Variants in ADGRL2 observed in about 807,000 individuals in gnomAD.
The protein encoded by ADGRL2 is calcium-independent alpha-latrotoxin receptor 2.
Under a neutral mutation model 157.4 loss-of-function variants are expected in ADGRL2, and 44 were observed. The ratio of observed to expected loss-of-function variants is 0.28; its 90% CI spans 0.22 to 0.36. The LOEUF (loss-of-function observed/expected upper bound fraction) is 0.36, where lower values mean the gene tolerates loss of function less well. Ranked by LOEUF, ADGRL2 falls within the 10% of genes least tolerant of loss-of-function variation. ADGRL2 has a pLI of 1.00. For synonymous variants in ADGRL2, 585 were observed against 624.7 expected (o/e 0.94, Z 0.95); for missense variants, 1,510 against 1,768.9 (o/e 0.85, Z 2.63).
At position 81,427,360 on chromosome 1, in the gene ADGRL2, A is replaced by G; in HGVS notation, c.-301-17676A>G. ...GTAGAGGGGGCTATGGTGGTGGCGGACCAGGATATGGAAACCAAGGTGGTA... is the reference window on the plus strand; with the variant it reads ...GTAGAGGGGGCTATGGTGGTGGCGGGCCAGGATATGGAAACCAAGGTGGTA... On this transcript the variant is annotated intron_variant, in intron 1 of 24. Transcript: ENST00000370721. 4.1e-6 allele frequency: 3 copies of G among 732,158 alleles called. No individual in the cohort carries two copies. In the Admixed American group the frequency reaches 5.2e-5, roughly 13 times the overall value. The allele number at this position is 732,158 out of a possible 1,614,324, so 45.4% of individuals were successfully genotyped here. A position where few individuals can be genotyped will look rare whatever the true frequency, so the allele number is the denominator to read the frequency against.
intron 3 of ADGRL2, among the ~76,000 whole-genome samples, chr1:81,932,663 A>T (rs558225635): frequency 3.6e-4 from 55 of 152,202 alleles, no homozygotes; most frequent in African/African-American, 1.3e-3. Context: ...TGAACCTGCC[A>T]ATTTTTGGTG....
At chr1:81,745,569 A>G (rs1031741102) in intron 1 of ADGRL2, among the ~76,000 whole-genome samples, 6 of 152,160 alleles carry the variant, frequency 3.9e-5, no homozygotes, top group Non-Finnish European at 7.3e-5. Context: ...CTGTTAGTAC[A>G]CTCAGTGTTA....
At chr1:81,556,951 T>C (rs1570489068) in intron 2 of ADGRL2, among the ~76,000 whole-genome samples, 1 of 150,084 alleles carries the variant, frequency 6.7e-6, no homozygotes, top group Admixed American at 6.7e-5. Context: ...TGGTGTCGTA[T>C]GCCTGTAATC....
At chr1:81,486,899 G>T (rs2078515383) in intron 2 of ADGRL2, among the ~76,000 whole-genome samples, 1 of 152,054 alleles carries the variant, frequency 6.6e-6, no homozygotes, top group African/African-American at 2.4e-5. Flanking sequence ...AATGTAGCAG[G>T]AAGTGATGAG....
intron 3 of ADGRL2, among the ~76,000 whole-genome samples, chr1:81,918,401 T>TAA (rs1220972249): frequency 3.3e-5 from 5 of 152,080 alleles, no homozygotes; most frequent in Non-Finnish European, 5.9e-5. Flanking sequence ...TATATATATA[T>TAA]AACATTAAGG....
intron 1 of ADGRL2, among the ~76,000 whole-genome samples, chr1:81,377,010 A>C (rs1485489469): frequency 6.6e-6 from 1 of 152,092 alleles, no homozygotes; most frequent in Non-Finnish European, 1.5e-5. Context: ...CCAAAAAGCG[A>C]GACACCATCT....
chr1:81,989,800 A>G, intron 23 of ADGRL2: 1 of 1,519,452 alleles, frequency 6.6e-7, no homozygotes, highest in Non-Finnish European at 8.8e-7. Context: ...GTCTTTGTTT[A>G]ACATGACTTC....
intron 1 of ADGRL2, among the ~76,000 whole-genome samples, chr1:81,340,870 T>C (rs551836433): frequency 2.0e-5 from 3 of 150,666 alleles, no homozygotes; most frequent in Admixed American, 2.0e-4. Context: ...CATTCTCTCA[T>C]GGAAAGTTGT....
At chr1:81,589,965 C>T (rs2081099614) in intron 3 of ADGRL2, among the ~76,000 whole-genome samples, 1 of 152,170 alleles carries the variant, frequency 6.6e-6, no homozygotes, top group East Asian at 1.9e-4. Flanking sequence ...TATTTCCTGA[C>T]ACTTACATGA....
rs757054945 is a variant in ADGRL2, at chr1:81,990,661, A to G, written c.3926A>G (p.Asp1309Gly). 5.0e-6 allele frequency: 8 copies of G among 1,614,204 alleles called. No individual in the cohort carries two copies. In the Admixed American group the frequency reaches 1.3e-4, roughly 27 times the overall value. Residue 1309 changes from aspartate to glycine, a missense_variant, in exon 24 of 24, where the codon GAT (aspartate) becomes GGT (glycine). Asp to Gly is a moderately conservative substitution (Grantham distance 94, BLOSUM62 -1). Coordinates refer to ENST00000686636, the MANE Select transcript of ADGRL2 (RefSeq NM_001366006.2). ...PVIGGSSSED[D>G]AIVADASSLM... ...ATTGGAGGTAGCAGCAGTGAAGATG[A>G]TGCTATTGTGGCAGATGCTTCATCT...
At chr1:81,738,095 A>G (rs2084960420) in intron 1 of ADGRL2, among the ~76,000 whole-genome samples, 1 of 152,224 alleles carries the variant, frequency 6.6e-6, no homozygotes, top group Non-Finnish European at 1.5e-5. Context: ...AACACACTCT[A>G]TGTATCCTGC....
intron 1 of ADGRL2, among the ~76,000 whole-genome samples, chr1:81,369,706 A>G (rs905618789): frequency 3.4e-5 from 5 of 147,176 alleles, no homozygotes; most frequent in African/African-American, 1.1e-4. Context: ...ATGAACATGA[A>G]AAAAAAAATC....
intron 1 of ADGRL2, among the ~76,000 whole-genome samples, chr1:81,727,569 A>T (rs1317869984): frequency 1.3e-5 from 2 of 151,982 alleles, no homozygotes; most frequent in Non-Finnish European, 2.9e-5. Context: ...AGTAGCTGGG[A>T]TTACAGGCAC....
rs940821813 is a variant in ADGRL2, at chr1:81,555,724, T to C, written c.-247-25152T>C. Among the ~76,000 whole-genome samples the C allele has an allele frequency of 2.0e-5, 3 of 152,144 alleles. No homozygotes were observed. In the South Asian group the frequency reaches 6.2e-4, roughly 31 times the overall value. On this transcript the variant is annotated intron_variant, in intron 2 of 24. Transcript: ENST00000370721. ...ATCACTCTGCAGCCCCTCCTCACCC[T>C]CACTGCGACACCCCAGTCTCTTGGA...
rs1164753366 is a variant in ADGRL2, at chr1:81,970,489, G to T, written c.2909G>T (p.Gly970Val). ...AGYLFPATVVGVSAAIDYKSY... is the reference protein window; with the variant it reads ...AGYLFPATVVVVSAAIDYKSY... ...TACTTGTTTCCTGCCACAGTGGTTG[G>T]AGTTTCAGCTGCTATTGACTATAAG... Residue 970 changes from glycine to valine, a missense_variant, in exon 16 of 24, where the codon GGA becomes GTA. Physicochemically the swap from Gly to Val is moderately radical, Grantham distance 109. Coordinates refer to ENST00000686636, the MANE Select transcript of ADGRL2 (RefSeq NM_001366006.2). 2 of 1,582,712 alleles carry T rather than the reference G, an allele frequency of 1.3e-6. No individual in the cohort carries two copies. Among genetic ancestry groups the T allele is most frequent in the Non-Finnish European group, 1.7e-6 (2 of 1,170,112 alleles).
At chr1:81,480,342 G>A (rs935100635) in intron 2 of ADGRL2, among the ~76,000 whole-genome samples, 2 of 152,118 alleles carry the variant, frequency 1.3e-5, no homozygotes, top group East Asian at 1.9e-4. Context: ...GTAAATAATA[G>A]TTACCTTCAT....
rs146676115 is a variant in ADGRL2 at position 81,670,388 on chromosome 1, T to C, written c.-143+89408T>C. On this transcript the variant is annotated intron_variant, in intron 3 of 24. Coordinates refer to the ADGRL2 transcript ENST00000370721. ...CTGTATTCTGCTCTCAATCTGATTG[T>C]AGAACTCCCACTGATGGCAGTAGGA... 2.0e-5 allele frequency among the ~76,000 whole-genome samples: 3 copies of C among 152,282 alleles called. No individual in the cohort carries two copies. The East Asian group carries it at 5.8e-4, about 29-fold the overall frequency.
chr1:81,681,254 G>A (rs1289167015), intron 3 of ADGRL2, among the ~76,000 whole-genome samples: 1 of 152,172 alleles, frequency 6.6e-6, no homozygotes, highest in African/African-American at 2.4e-5. Flanking sequence ...AGGGATGGAG[G>A]GCAAAGGAAG....
chr1:81,718,674 C>A (rs918946037), intron 1 of ADGRL2, among the ~76,000 whole-genome samples: 3 of 152,208 alleles, frequency 2.0e-5, no homozygotes, highest in Non-Finnish European at 4.4e-5. Flanking sequence ...AGAGTGGAGA[C>A]TTTACTGCAT....
Sources: allele counts gnomAD v4.1 joint callset (sites outside exome capture counted in the v4.1 genomes callset), GRCh38; gene constraint gnomAD v4.1.1; transcripts MANE v1.5; gene names NCBI Gene and HGNC (gene_info 2026-07-23, HGNC 2026-07-21).